Variants in PDE4B observed in about 807,000 individuals in gnomAD.
The protein encoded by PDE4B is phosphodiesterase 4B.
Under a neutral mutation model 82.2 loss-of-function variants are expected in PDE4B, and 20 were observed. The observed-to-expected ratio is 0.24, with a 90% CI of 0.17 to 0.35. The LOEUF (loss-of-function observed/expected upper bound fraction) is 0.35. Among genes scored for constraint, PDE4B ranks in the 10% least tolerant of loss-of-function variants. The probability of loss-of-function intolerance (pLI) is 1.00; values close to 1 mark genes in which losing one functional copy is unlikely to be tolerated. For synonymous variants in PDE4B, 320 were observed against 318.9 expected (o/e 1.00, Z -0.04); for missense variants, 655 against 907.2 (o/e 0.72, Z 3.57).
At chr1:66,051,921 C>T (rs1002379319) in intron 3 of PDE4B, among the ~76,000 whole-genome samples, 1 of 152,164 alleles carries the variant, frequency 6.6e-6, no homozygotes, top group Non-Finnish European at 1.5e-5. Flanking sequence ...ATACTATTCA[C>T]TCCTTAGGGC....
intron 1 of PDE4B, among the ~76,000 whole-genome samples, chr1:65,830,517 A>G (rs1646070545): frequency 6.6e-6 from 1 of 152,204 alleles, no homozygotes; most frequent in Admixed American, 6.5e-5. Context: ...CTCTGATAAA[A>G]TGAGATGAGA....
At chr1:66,082,451 C>A (rs1227604378) in intron 3 of PDE4B, among the ~76,000 whole-genome samples, 3 of 152,044 alleles carry the variant, frequency 2.0e-5, no homozygotes, top group Non-Finnish European at 4.4e-5. Flanking sequence ...TTTTCCAAGG[C>A]CCATTCCCAT....
chr1:65,973,274 G>A (rs900090599), intron 3 of PDE4B, among the ~76,000 whole-genome samples: 1 of 151,774 alleles, frequency 6.6e-6, no homozygotes, highest in Non-Finnish European at 1.5e-5. Flanking sequence ...CAGTGACTAT[G>A]TTTATATTGA....
intron 8 of PDE4B, among the ~76,000 whole-genome samples, chr1:66,335,556 G>A (rs1477925345): frequency 2.6e-5 from 4 of 152,154 alleles, no homozygotes; most frequent in African/African-American, 9.7e-5. Context: ...GTACTTCATA[G>A]CCTAGAGAGT....
At chr1:66,125,165 CTTTT>C (rs60294490) in intron 3 of PDE4B, among the ~76,000 whole-genome samples, 6 of 103,496 alleles carry the variant, frequency 5.8e-5, no homozygotes, top group East Asian at 2.7e-4. Context: ...CATACTATTC[CTTTT>C]TTTTTTTTTT....
At chr1:65,833,459 TA>T (rs1325048981) in intron 1 of PDE4B, among the ~76,000 whole-genome samples, 2 of 152,224 alleles carry the variant, frequency 1.3e-5, no homozygotes, top group Non-Finnish European at 2.9e-5. Flanking sequence ...GATAGATTTT[TA>T]GCTCAATAAA....
chr1:66,043,946 G>C (rs1316766439), intron 3 of PDE4B, among the ~76,000 whole-genome samples: 1 of 151,732 alleles, frequency 6.6e-6, no homozygotes, highest in Non-Finnish European at 1.5e-5. Context: ...ATGCAATTTT[G>C]AAACTAAAAC....
intron 1 of PDE4B, among the ~76,000 whole-genome samples, chr1:65,872,209 T>C (rs1646581159): frequency 6.6e-6 from 1 of 152,238 alleles, no homozygotes; most frequent in African/African-American, 2.4e-5. Context: ...TCTTCCTGAC[T>C]GCTCACCAAA....
chr1:66,018,011 C>T (rs139072770), intron 3 of PDE4B, among the ~76,000 whole-genome samples: 1 of 152,142 alleles, frequency 6.6e-6, no homozygotes, highest in African/African-American at 2.4e-5. Context: ...TAGCTCTGCA[C>T]GGATCATAGA....
At chr1:66,002,510 G>A (rs189059901) in intron 3 of PDE4B, among the ~76,000 whole-genome samples, 8 of 151,954 alleles carry the variant, frequency 5.3e-5, no homozygotes, top group Admixed American at 4.6e-4. Context: ...TCTAAGAGAT[G>A]ATGTCTATAA....
chr1:66,316,906 A>T (rs1659065662), intron 7 of PDE4B, among the ~76,000 whole-genome samples: 1 of 152,232 alleles, frequency 6.6e-6, no homozygotes, highest in Non-Finnish European at 1.5e-5. Context: ...GTAGTTTACA[A>T]ACCAGGGGAA....
chr1:66,336,844 C>A (rs1660560564), intron 8 of PDE4B, among the ~76,000 whole-genome samples: 1 of 152,154 alleles, frequency 6.6e-6, no homozygotes, highest in African/African-American at 2.4e-5. Flanking sequence ...TACTACAGTA[C>A]TAAACATGGA....
chr1:65,942,366 T>A (rs1259817039), intron 3 of PDE4B, among the ~76,000 whole-genome samples: 1 of 152,068 alleles, frequency 6.6e-6, no homozygotes, highest in Non-Finnish European at 1.5e-5. Context: ...TTCCTTCTTT[T>A]TTTTTTAAAG....
chr1:66,031,223 T>C (rs866590459), intron 3 of PDE4B, among the ~76,000 whole-genome samples: 2 of 152,200 alleles, frequency 1.3e-5, no homozygotes, highest in Admixed American at 6.5e-5. Context: ...AAATAATTGA[T>C]TAGAGAATTT....
chr1:66,145,288 C>T (rs1162356475), intron 3 of PDE4B, among the ~76,000 whole-genome samples: 1 of 152,060 alleles, frequency 6.6e-6, no homozygotes, highest in African/African-American at 2.4e-5. Flanking sequence ...AGTGCAGGCA[C>T]CTAAGGGAAC....
At chr1:66,118,357 G>A (rs1293191050) in intron 3 of PDE4B, among the ~76,000 whole-genome samples, 2 of 152,182 alleles carry the variant, frequency 1.3e-5, no homozygotes, top group Non-Finnish European at 2.9e-5. Context: ...TTAAGAAAAT[G>A]TGGCACATAT....
At chr1:65,969,233 GC>G (rs1360264577) in intron 3 of PDE4B, among the ~76,000 whole-genome samples, 1 of 152,154 alleles carries the variant, frequency 6.6e-6, no homozygotes, top group African/African-American at 2.4e-5. Flanking sequence ...CAGGCTGACA[GC>G]CGCCACCATC....
At chr1:66,135,612 G>A (rs1231559152) in intron 3 of PDE4B, among the ~76,000 whole-genome samples, 1 of 152,128 alleles carries the variant, frequency 6.6e-6, no homozygotes, top group Non-Finnish European at 1.5e-5. Flanking sequence ...AATTTAGTTT[G>A]GGGTGCTCAA....
intron 1 of PDE4B, among the ~76,000 whole-genome samples, chr1:65,837,109 A>C (rs1409026517): frequency 6.6e-6 from 1 of 151,500 alleles, no homozygotes; most frequent in Admixed American, 6.6e-5. Context: ...TTTTTTAATC[A>C]TTAAGCTACC....
Sources: gnomAD v4.1 joint callset for allele counts (sites outside exome capture counted in the v4.1 genomes callset) on GRCh38, gnomAD v4.1.1 for gene constraint, MANE v1.5 for transcripts, NCBI Gene and HGNC (gene_info 2026-07-23, HGNC 2026-07-21) for gene names.